PLEKHG1: variants seen among roughly 807,000 people sequenced by gnomAD.
PLEKHG1 encodes pleckstrin homology domain-containing family G member 1.
A neutral mutation model predicts 100.8 loss-of-function variants in PLEKHG1; 44 were observed. The observed-to-expected ratio is 0.44, with a 90% CI of 0.34 to 0.56. PLEKHG1 has a LOEUF of 0.56. PLEKHG1 is among the 20% of genes least tolerant of loss of function. The probability of loss-of-function intolerance (pLI) is 0.01; values close to 1 mark genes in which losing one functional copy is unlikely to be tolerated. For missense variants in PLEKHG1, 1,545 were observed against 1,720.9 expected (o/e 0.90, Z 1.81); for synonymous variants, 640 against 662.5 (o/e 0.97, Z 0.52).
intron 3 of PLEKHG1, among the ~76,000 whole-genome samples, chr6:150,661,378 C>T (rs533791859): frequency 6.6e-6 from 1 of 152,328 alleles, no homozygotes; most frequent in South Asian, 2.1e-4. Context: ...TGCATATATA[C>T]AACAGATGTT....
chr6:150,670,183 GTAAA>G (rs1779537007), intron 3 of PLEKHG1, among the ~76,000 whole-genome samples: 1 of 152,188 alleles, frequency 6.6e-6, no homozygotes, highest in Middle Eastern at 3.4e-3. Flanking sequence ...TGTTTTCAAA[GTAAA>G]TAAACAATGA....
At position 150,759,831 on chromosome 6, in the gene PLEKHG1, T is replaced by A. The variant is rs1395263278; in HGVS notation, c.412-8807T>A. 2.0e-5 allele frequency among the ~76,000 whole-genome samples: 3 copies of A among 151,862 alleles called. No homozygotes were observed. In the East Asian group the frequency reaches 5.8e-4, roughly 29 times the overall value. Reference sequence around the variant, plus strand: ...GGGCAACATAGTGAGACCCTATCTTTACAAAAAAATAGAAAAGTTAGCCCA... The same window carrying A: ...GGGCAACATAGTGAGACCCTATCTTAACAAAAAAATAGAAAAGTTAGCCCA... On this transcript the variant is annotated intron_variant, in intron 2 of 15. Coordinates refer to ENST00000358517, the Ensembl canonical transcript of PLEKHG1.
chr6:150,733,346 T>C (rs574321438), intron 1 of PLEKHG1, among the ~76,000 whole-genome samples: 1 of 152,278 alleles, frequency 6.6e-6, no homozygotes, highest in South Asian at 2.1e-4. Flanking sequence ...AAGTGCACAC[T>C]CAAGTTCAGC....
intron 4 of PLEKHG1, among the ~76,000 whole-genome samples, chr6:150,791,676 GAA>G (rs34212457): frequency 2.1e-3 from 219 of 103,816 alleles, no homozygotes; most frequent in African/African-American, 7.2e-3. Context: ...TCTCAAAAAA[GAA>G]AAAAAAAAAA....
chr6:150,635,739 T>C (rs1485953006), intron 1 of PLEKHG1, among the ~76,000 whole-genome samples: 4 of 152,214 alleles, frequency 2.6e-5, no homozygotes, highest in Non-Finnish European at 5.9e-5. Flanking sequence ...TAAATGTTCA[T>C]GTTAATTATA....
upstream of PLEKHG1, among the ~76,000 whole-genome samples, chr6:150,717,625 C>T (rs1781493705): frequency 6.6e-6 from 1 of 152,166 alleles, no homozygotes; most frequent in African/African-American, 2.4e-5. Flanking sequence ...GCCTTGATTC[C>T]CCACTCCAGG....
chr6:150,628,527 A>AACACACACACACACACACAC (rs565121317), intron 1 of PLEKHG1, among the ~76,000 whole-genome samples: 1,017 of 94,712 alleles, frequency 0.011, 17 homozygotes, highest in Middle Eastern at 0.019. Flanking sequence ...TAGATAGGAA[A>AACACACACACACACACACAC]ACACACACAC....
chr6:150,697,108 A>AAAAGAAG (rs71270304), intron 3 of PLEKHG1, among the ~76,000 whole-genome samples: 61,938 of 146,420 alleles, frequency 0.42, 13,238 homozygotes, highest in African/African-American at 0.48. Flanking sequence ...AGAAAAAAAA[A>AAAAGAAG]AAGAAGAAGA....
intron 3 of PLEKHG1, among the ~76,000 whole-genome samples, chr6:150,702,465 G>A (rs922287502): frequency 7.8e-6 from 1 of 127,992 alleles, no homozygotes; most frequent in African/African-American, 2.8e-5. Flanking sequence ...GCAAGACTCC[G>A]TCTCAAAAAA....
intron 2 of PLEKHG1, among the ~76,000 whole-genome samples, chr6:150,767,282 G>A (rs1475511167): frequency 6.6e-6 from 1 of 152,084 alleles, no homozygotes. Flanking sequence ...ATTTATAACA[G>A]TAAGGAGAAT....
chr6:150,701,024 A>T (rs1780752488), intron 3 of PLEKHG1, among the ~76,000 whole-genome samples: 1 of 151,470 alleles, frequency 6.6e-6, no homozygotes, highest in African/African-American at 2.4e-5. Context: ...ACTGGTGTTA[A>T]AATTTTATAT....
rs1278144184 is a variant in PLEKHG1 at position 150,822,177 on chromosome 6, A to AAAAAAAAAAAC, written c.1447+945_1447+946insAAAAAAAAACA. On this transcript the variant is annotated intron_variant, in intron 13 of 15. Coordinates refer to ENST00000358517, the Ensembl canonical transcript of PLEKHG1. Reference sequence around the variant, plus strand: ...AAAAAAAAAAAAAAAAAAAAAAAAAAAGAATAGGGCAGTTTCACAAAAACA... The same window carrying AAAAAAAAAAAC: ...AAAAAAAAAAAAAAAAAAAAAAAAAAAAAAAAAAAACAGAATAGGGCAGTTTCACAAAAACA... Among the ~76,000 whole-genome samples, 37 of 124,386 alleles carry AAAAAAAAAAAC rather than the reference A, an allele frequency of 3.0e-4. 3 individuals carry two copies. The highest frequency in any genetic ancestry group is 4.8e-4 in the Non-Finnish European group (27 of 56,348). 81.6% of individuals were successfully genotyped at this position (124,386 alleles called of 152,430 possible).
upstream of PLEKHG1, among the ~76,000 whole-genome samples, chr6:150,718,309 GAA>G (rs1781517499): frequency 6.6e-6 from 1 of 152,190 alleles, no homozygotes; most frequent in South Asian, 2.1e-4. Context: ...CCAGCATGTG[GAA>G]TATGTGGTGG....
At chr6:150,704,161 G>T (rs1016023352) in intron 3 of PLEKHG1, among the ~76,000 whole-genome samples, 8 of 152,160 alleles carry the variant, frequency 5.3e-5, no homozygotes, top group African/African-American at 1.7e-4. Context: ...TTGGAGTGAG[G>T]GGGGCGATGT....
chr6:150,697,340 C>T (rs967365478), intron 3 of PLEKHG1, among the ~76,000 whole-genome samples: 2 of 152,186 alleles, frequency 1.3e-5, no homozygotes, highest in Admixed American at 6.5e-5. Context: ...GAGCAGTGAG[C>T]TTGGACTCAG....
At chr6:150,668,717 T>C (rs1031743803) in intron 3 of PLEKHG1, among the ~76,000 whole-genome samples, 2 of 152,178 alleles carry the variant, frequency 1.3e-5, no homozygotes, top group African/African-American at 2.4e-5. Flanking sequence ...TGAAAATAAG[T>C]TGATTATTTG....
Position 150,671,982 on chromosome 6 carries a change from T to G in PLEKHG1, c.-99+21196T>G, listed in dbSNP as rs369612907. ...GGAATCCAGTTCAGCTTTCTAAAGA[T>G]TCACTAGCTATTGGGTGAGAATGAA... On this transcript the variant is annotated intron_variant, in intron 3 of 3. Transcript: ENST00000367326. Among the ~76,000 whole-genome samples the G allele has an allele frequency of 7.9e-5, 12 of 152,266 alleles. No homozygotes were observed. In the East Asian group the frequency reaches 2.3e-3, roughly 29 times the overall value.
chr6:150,610,219 A>G (rs113845682), intron 1 of PLEKHG1, among the ~76,000 whole-genome samples: 28,070 of 152,152 alleles, frequency 0.18, 2,926 homozygotes, highest in Middle Eastern at 0.26. Context: ...TTCCTGCCTC[A>G]GCCTCCCGAG....
intron 1 of PLEKHG1, among the ~76,000 whole-genome samples, chr6:150,611,469 A>G (rs967505938): frequency 6.6e-6 from 1 of 152,220 alleles, no homozygotes; most frequent in African/African-American, 2.4e-5. Context: ...CCTTCCTATT[A>G]AAAAGGGATG....
Sources: allele counts gnomAD v4.1 joint callset (sites outside exome capture counted in the v4.1 genomes callset), GRCh38; gene constraint gnomAD v4.1.1; transcripts MANE v1.5; gene names NCBI Gene and HGNC (gene_info 2026-07-23, HGNC 2026-07-21).